Variants in DNAAF9 observed in about 807,000 individuals in gnomAD.
DNAAF9 encodes the protein shulin.
DNAAF9 carries 90 observed loss-of-function variants against 167.0 expected under a neutral mutation model. The ratio of observed to expected loss-of-function variants is 0.54; its 90% CI spans 0.45 to 0.64. The LOEUF (loss-of-function observed/expected upper bound fraction) is 0.64. DNAAF9 is among the 30% of genes least tolerant of loss of function. The pLI is 0.00. For synonymous variants in DNAAF9, 491 were observed against 508.8 expected (o/e 0.96, Z 0.47); for missense variants, 1,315 against 1,442.2 (o/e 0.91, Z 1.43).
At chr20:3,330,834 C>A in intron 11 of DNAAF9, 152 bp from the exon 12 acceptor site, 1 of 560,290 alleles carries the variant, frequency 1.8e-6, no homozygotes. Flanking sequence ...CTTTGTCGCC[C>A]AGGCTGGAGT....
intron 17 of DNAAF9, among the ~76,000 whole-genome samples, chr20:3,317,190 C>T (rs558810651): frequency 4.0e-5 from 6 of 151,732 alleles, no homozygotes; most frequent in Non-Finnish European, 8.8e-5. Flanking sequence ...GGCAAAACCC[C>T]GTCTCTACAA....
intron 20 of DNAAF9, among the ~76,000 whole-genome samples, chr20:3,313,800 C>T (rs1344085909): frequency 6.6e-6 from 1 of 152,152 alleles, no homozygotes; most frequent in Non-Finnish European, 1.5e-5. Flanking sequence ...CTACCTTTCA[C>T]TGAAAAAGGA....
intron 6 of DNAAF9, among the ~76,000 whole-genome samples, chr20:3,369,442 T>A (rs1299930741): frequency 3.3e-5 from 5 of 151,966 alleles, no homozygotes; most frequent in Non-Finnish European, 7.4e-5. Flanking sequence ...AGTGGTGCGA[T>A]CTCAGCTCAC....
Position 3,315,835 on chromosome 20 carries a change from C to T in DNAAF9, c.1540-50G>A. ...TTCAGTCAACTACTTCAAGGGAAAA[C>T]CCTGCTAGGTCTCCCCACTGTGTTC... On this transcript the variant is annotated intron_variant, in intron 18 of 36. Transcript: ENST00000252032. The surrounding 1 kb of genome is among the most constrained non-coding windows in gnomAD (Gnocchi z 4.1). 1 of 1,347,950 alleles carries T rather than the reference C, an allele frequency of 7.4e-7. No individual in the cohort carries two copies. The highest frequency in any genetic ancestry group is 1.1e-6 in the Non-Finnish European group (1 of 937,094). The allele number at this position is 1,347,950 out of a possible 1,614,324, so 83.5% of individuals were successfully genotyped here. A position where few individuals can be genotyped will look rare whatever the true frequency, so the allele number is the denominator to read the frequency against.
chr20:3,279,566 C>T (rs2068731461), intron 28 of DNAAF9, among the ~76,000 whole-genome samples: 1 of 152,196 alleles, frequency 6.6e-6, no homozygotes, highest in African/African-American at 2.4e-5. Flanking sequence ...ACTCCTAAAA[C>T]ATCATAAGGC....
At chr20:3,321,745 T>G (rs561405492) in intron 16 of DNAAF9, among the ~76,000 whole-genome samples, 4 of 147,264 alleles carry the variant, frequency 2.7e-5, no homozygotes, top group Non-Finnish European at 4.5e-5. Flanking sequence ...ATTAAAAAAA[T>G]TTTTTTTTTT....
rs1428590601 is a variant in DNAAF9, at chr20:3,249,525, T to A, written c.*3047A>T. On this transcript the variant is annotated 3_prime_UTR_variant, in exon 37 of 37. Coordinates refer to ENST00000252032, the MANE Select transcript of DNAAF9 (RefSeq NM_001009984.3). Reference sequence around the variant, plus strand: ...CTGAAGTTACAGTAGTGTTTGTAAATACGAGTTTTAAAATTTAAGTTACAA... The same window carrying A: ...CTGAAGTTACAGTAGTGTTTGTAAAAACGAGTTTTAAAATTTAAGTTACAA... 6.6e-6 allele frequency: 1 copy of A among 152,248 alleles called. No individual in the cohort carries two copies. The highest frequency in any genetic ancestry group is 1.5e-5 in the Non-Finnish European group (1 of 68,044). 9.4% of individuals were successfully genotyped at this position (152,248 alleles called of 1,614,324 possible). A position where few individuals can be genotyped will look rare whatever the true frequency, so the allele number is the denominator to read the frequency against.
chr20:3,347,909 G>A (rs576470349), intron 8 of DNAAF9, among the ~76,000 whole-genome samples: 2 of 152,138 alleles, frequency 1.3e-5, no homozygotes, highest in Admixed American at 6.5e-5. Flanking sequence ...GCGACAGAGT[G>A]AGACTCCATT....
chr20:3,283,959 A>G (rs1568577047), intron 27 of DNAAF9, among the ~76,000 whole-genome samples: 1 of 152,078 alleles, frequency 6.6e-6, no homozygotes, highest in Non-Finnish European at 1.5e-5. Flanking sequence ...GAAAAAGGTT[A>G]GAGTAAAAAA....
At chr20:3,338,143 G>T (rs56810767) in intron 10 of DNAAF9, among the ~76,000 whole-genome samples, 3,820 of 151,162 alleles carry the variant, frequency 0.025, 72 homozygotes, top group African/African-American at 0.04. Context: ...TTTCTTACAG[G>T]ACAGATCTGC....
intron 8 of DNAAF9, among the ~76,000 whole-genome samples, chr20:3,348,258 G>A (rs1348753149): frequency 1.3e-5 from 2 of 152,118 alleles, no homozygotes; most frequent in African/African-American, 2.4e-5. Flanking sequence ...TTATTCCTAC[G>A]TCTATTAACT....
intron 30 of DNAAF9, among the ~76,000 whole-genome samples, chr20:3,264,975 A>G (rs1228829136): frequency 6.6e-6 from 1 of 152,174 alleles, no homozygotes; most frequent in Non-Finnish European, 1.5e-5. Context: ...TGTACTCATC[A>G]TGATATTTTA....
chr20:3,364,775 A>T (rs1410879823), intron 6 of DNAAF9, among the ~76,000 whole-genome samples: 23 of 152,118 alleles, frequency 1.5e-4, no homozygotes, highest in Non-Finnish European at 4.4e-5. Context: ...AGTGAGTCAC[A>T]ATCTTTTTGC....
At chr20:3,336,465 T>C (rs1315584840) in intron 10 of DNAAF9, among the ~76,000 whole-genome samples, 2 of 152,062 alleles carry the variant, frequency 1.3e-5, no homozygotes, top group Non-Finnish European at 2.9e-5. Context: ...TTTCTATTGT[T>C]CTATCTTCAA....
At chr20:3,274,781 C>T (rs1251014659) in intron 29 of DNAAF9, among the ~76,000 whole-genome samples, 2 of 152,208 alleles carry the variant, frequency 1.3e-5, no homozygotes, top group Admixed American at 6.5e-5. Context: ...TCTCCCTGTA[C>T]ATAGAGGGGC....
At chr20:3,301,849 G>GA (rs1231795547) in intron 21 of DNAAF9, among the ~76,000 whole-genome samples, 3 of 151,370 alleles carry the variant, frequency 2.0e-5, no homozygotes, top group Non-Finnish European at 4.4e-5. Flanking sequence ...ACTCTTCGCA[G>GA]AAAAAAAATA....
intron 16 of DNAAF9, among the ~76,000 whole-genome samples, chr20:3,320,174 T>C (rs1212325984): frequency 1.3e-5 from 2 of 152,206 alleles, no homozygotes; most frequent in African/African-American, 4.8e-5. Context: ...CTATAATGTA[T>C]AGCTGGAGAA....
At chr20:3,349,191 CCAAAAAAAAAAA>C (rs1318662579) in intron 7 of DNAAF9, among the ~76,000 whole-genome samples, 4 of 33,042 alleles carry the variant, frequency 1.2e-4, no homozygotes, top group South Asian at 1.3e-3. Flanking sequence ...CTCGTCTCTA[CCAAAAAAAAAAA>C]CAAAAAAAAA....
chr20:3,342,900 A>G (rs933909099), intron 9 of DNAAF9, among the ~76,000 whole-genome samples: 1 of 152,052 alleles, frequency 6.6e-6, no homozygotes, highest in African/African-American at 2.4e-5. Context: ...GGACCTTCAC[A>G]CCCTGATCCC....
Sources: allele counts gnomAD v4.1 joint callset (sites outside exome capture counted in the v4.1 genomes callset), GRCh38; gene constraint gnomAD v4.1.1; non-coding constraint Gnocchi (gnomAD v3.1); transcripts MANE v1.5; gene names NCBI Gene and HGNC (gene_info 2026-07-23, HGNC 2026-07-21).